Variants in ZSCAN23 observed in about 807,000 individuals in gnomAD.
ZSCAN23 encodes zinc finger and SCAN domain-containing protein 23.
In ZSCAN23, 19 loss-of-function variants were observed where a neutral mutation model predicts 19.3. The ratio of observed to expected loss-of-function variants is 0.99; its 90% CI spans 0.69 to 1.45. ZSCAN23 has a LOEUF of 1.45. Ranked by LOEUF, ZSCAN23 falls within the 40% of genes most tolerant of loss-of-function variation. The pLI, the probability that ZSCAN23 is intolerant of heterozygous loss-of-function variation, is 0.00. For missense variants in ZSCAN23, 372 were observed against 462.5 expected, an observed-to-expected ratio of 0.80 and a Z score of 1.79; for synonymous variants, 140 against 166.2, an observed-to-expected ratio of 0.84 and a Z score of 1.21.
downstream of ZSCAN23, among the ~76,000 whole-genome samples, chr6:28,429,939 T>C (rs1376322666): frequency 6.8e-6 from 1 of 146,692 alleles, no homozygotes; most frequent in Non-Finnish European, 1.5e-5. Flanking sequence ...GGCCGGCTCC[T>C]CTGCCGCCTC....
At chr6:28,435,154 A>G in intron 3 of ZSCAN23, 76 bp from the exon 4 acceptor site, 1 of 1,445,308 alleles carries the variant, frequency 6.9e-7, no homozygotes, top group South Asian at 1.5e-5. Flanking sequence ...CAAAAGAAAA[A>G]AAGTGGCCAG....
intron 3 of ZSCAN23, among the ~76,000 whole-genome samples, 165 bp from the exon 4 acceptor site, chr6:28,435,243 G>A (rs545820616): frequency 3.9e-5 from 6 of 152,236 alleles, no homozygotes; most frequent in Admixed American, 2.0e-4. Flanking sequence ...CAGACCTCAG[G>A]GAAAAGATGC....
intron 1 of ZSCAN23, among the ~76,000 whole-genome samples, chr6:28,437,970 ACAC>A (rs955096721): frequency 6.6e-6 from 1 of 152,022 alleles, no homozygotes; most frequent in African/African-American, 2.4e-5. Context: ...GGGTTGTGAC[ACAC>A]CACATAGATT....
In ZSCAN23 at chr6:28,438,430, T is replaced by G. The variant is rs568604700; in HGVS notation, c.-77-2087A>C. The stretch of plus-strand genomic sequence containing the variant: ...CTATTCTTAAGGTGTTGACATGCAT[T>G]GTGAAATTAAATAACTAAGAATAGG... On this transcript the variant is annotated intron_variant, in intron 1 of 3. Coordinates refer to ENST00000289788, the MANE Select transcript of ZSCAN23 (RefSeq NM_001012455.2). Among the ~76,000 whole-genome samples the G allele has an allele frequency of 3.5e-4, 54 of 152,312 alleles. 1 individual carries two copies. The highest frequency in any genetic ancestry group is 2.1e-3 in the South Asian group (10 of 4,822).
the ZSCAN23 span, among the ~76,000 whole-genome samples, chr6:28,426,732 A>G: frequency 6.6e-6 from 1 of 152,248 alleles, no homozygotes; most frequent in Non-Finnish European, 1.5e-5. Flanking sequence ...AGTGCAATAA[A>G]GCAAAGTGCA....
rs61653240 is a variant in ZSCAN23, at chr6:28,435,764, T to TAA, written c.408+93_408+94dup. 2,985 of 1,304,342 alleles carry TAA rather than the reference T, an allele frequency of 2.3e-3. 4 individuals are homozygous for TAA. The highest frequency in any genetic ancestry group is 0.021 in the Admixed American group (676 of 32,518). 80.8% of individuals were successfully genotyped at this position (1,304,342 alleles called of 1,614,324 possible). ...AGCCTACAGAAGATCAAGTCTGGCATAAAAAAAAAATCCTCCTCCTCTACC... is the reference window on the plus strand; with the variant it reads ...AGCCTACAGAAGATCAAGTCTGGCATAAAAAAAAAAAATCCTCCTCCTCTACC... On this transcript the variant is annotated intron_variant, in intron 2 of 3. Coordinates refer to ENST00000289788, the MANE Select transcript of ZSCAN23 (RefSeq NM_001012455.2).
intron 1 of ZSCAN23, among the ~76,000 whole-genome samples, chr6:28,436,766 A>G (rs969331881): frequency 7.0e-4 from 107 of 152,202 alleles, no homozygotes; most frequent in African/African-American, 2.5e-3. Flanking sequence ...TATAAAAAGA[A>G]TAAGAACCGT....
At chr6:28,441,492 T>A (rs1490284161) in intron 1 of ZSCAN23, among the ~76,000 whole-genome samples, 1 of 152,130 alleles carries the variant, frequency 6.6e-6, no homozygotes, top group Non-Finnish European at 1.5e-5. Flanking sequence ...TGCAGCTTGA[T>A]TCAAATCTCA....
Position 28,434,883 on chromosome 6 carries a change from C to T in ZSCAN23, c.752G>A (p.Cys251Tyr). The change falls in exon 4 of 4, where the codon TGT becomes TAT. Residue 251 changes from cysteine to tyrosine, a missense_variant. Transcript: ENST00000289788. ...GGTGAAGCTTTTTCCACATTCACTA[C>T]AGATATAGGGTCTCTCCACTGAAGA... ...VSSSVERPYI[C>Y]SECGKSFTQN... is the part of the protein sequence containing the mutation. The T allele has an allele frequency of 6.4e-7, 1 of 1,557,214 alleles. No homozygotes were observed. Among genetic ancestry groups the T allele is most frequent in the Non-Finnish European group, 8.7e-7 (1 of 1,150,204 alleles).
At chr6:28,442,939 T>A (rs1468505751) in intron 1 of ZSCAN23, among the ~76,000 whole-genome samples, 1 of 152,206 alleles carries the variant, frequency 6.6e-6, no homozygotes, top group Non-Finnish European at 1.5e-5. Context: ...TAGATGCTAT[T>A]TATTCTTTTA....
At chr6:28,425,521 G>C in the ZSCAN23 span, among the ~76,000 whole-genome samples, 1 of 152,068 alleles carries the variant, frequency 6.6e-6, no homozygotes, top group Admixed American at 6.6e-5. Flanking sequence ...TAGAGACAGG[G>C]TTTTTCCATG....
intron 1 of ZSCAN23, among the ~76,000 whole-genome samples, chr6:28,439,557 G>T (rs1761961102): frequency 1.3e-5 from 2 of 152,142 alleles, no homozygotes; most frequent in Admixed American, 1.3e-4. Context: ...AGGCACTGGG[G>T]ATACAGCTGC....
the ZSCAN23 span, among the ~76,000 whole-genome samples, chr6:28,424,997 T>C: frequency 6.6e-6 from 1 of 152,326 alleles, no homozygotes; most frequent in South Asian, 2.1e-4. Context: ...ATGGCAGCTA[T>C]ACCCTTACAA....
rs550120437 is a variant in ZSCAN23 at position 28,443,427 on chromosome 6, T to C, written c.-106A>G. On this transcript the variant is annotated 5_prime_UTR_variant, in exon 1 of 4. Coordinates refer to ENST00000289788, the MANE Select transcript of ZSCAN23 (RefSeq NM_001012455.2). The stretch of plus-strand genomic sequence containing the variant: ...GGCATCCGTGAGAGGAGATGCCACC[T>C]AGCGCAGATCACATCTGCTCTGAAT... The C allele has an allele frequency of 6.6e-6, 1 of 152,358 alleles. No homozygotes were observed. Among genetic ancestry groups the C allele is most frequent in the Non-Finnish European group, 1.5e-5 (1 of 68,136 alleles). The allele number at this position is 152,358 out of a possible 1,614,324, so 9.4% of individuals were successfully genotyped here.
intron 1 of ZSCAN23, among the ~76,000 whole-genome samples, chr6:28,442,804 T>C (rs1157068003): frequency 2.6e-5 from 4 of 152,228 alleles, no homozygotes; most frequent in Non-Finnish European, 4.4e-5. Context: ...TGTATGTTAA[T>C]TTTAAAAAGG....
At position 28,434,378 on chromosome 6, in the gene ZSCAN23, T is replaced by G; in HGVS notation, c.*87A>C. On this transcript the variant is annotated 3_prime_UTR_variant, in exon 4 of 4. Transcript: ENST00000289788. ...CTCTCTGCATAAAAGTAAGGGAATTTTTACTGGCTTTCCCTTGAACTTTTC... is the reference window on the plus strand; with the variant it reads ...CTCTCTGCATAAAAGTAAGGGAATTGTTACTGGCTTTCCCTTGAACTTTTC... 1 of 1,417,242 alleles carries G rather than the reference T, an allele frequency of 7.1e-7. No homozygotes were observed. The highest frequency in any genetic ancestry group is 1.5e-5 in the South Asian group (1 of 65,188). The allele number at this position is 1,417,242 out of a possible 1,614,324, so 87.8% of individuals were successfully genotyped here. A position where few individuals can be genotyped will look rare whatever the true frequency, so the allele number is the denominator to read the frequency against.
the ZSCAN23 span, among the ~76,000 whole-genome samples, chr6:28,425,478 C>T: frequency 6.6e-6 from 1 of 152,154 alleles, no homozygotes; most frequent in Non-Finnish European, 1.5e-5. Context: ...CAGGTGTGTA[C>T]CACCACACCC....
At chr6:28,436,689 G>T (rs1761895937) in intron 1 of ZSCAN23, among the ~76,000 whole-genome samples, 1 of 152,124 alleles carries the variant, frequency 6.6e-6, no homozygotes, top group Non-Finnish European at 1.5e-5. Context: ...GGCCCAAGTG[G>T]TCACAGATGA....
chr6:28,424,291 A>G, the ZSCAN23 span, among the ~76,000 whole-genome samples: 2 of 152,246 alleles, frequency 1.3e-5, no homozygotes, highest in Non-Finnish European at 2.9e-5. Context: ...TTATTGCTAA[A>G]AAATGCAGGA....
Sources: gnomAD v4.1 joint callset for allele counts (sites outside exome capture counted in the v4.1 genomes callset) on GRCh38, gnomAD v4.1.1 for gene constraint, MANE v1.5 for transcripts, NCBI Gene and HGNC (gene_info 2026-07-23, HGNC 2026-07-21) for gene names.